DUSP4: variants seen among roughly 807,000 people sequenced by gnomAD.
The protein encoded by DUSP4 is dual specificity phosphatase 4.
A neutral mutation model predicts 27.2 loss-of-function variants in DUSP4; 12 were observed. The observed-to-expected ratio is 0.44, with a 90% CI of 0.28 to 0.71. DUSP4 has a LOEUF of 0.71. Ranked by LOEUF, DUSP4 falls within the 30% of genes least tolerant of loss-of-function variation. The pLI, the probability that DUSP4 is intolerant of heterozygous loss-of-function variation, is 0.14. For missense variants in DUSP4, 448 were observed against 551.3 expected (o/e 0.81, Z 1.88); for synonymous variants, 257 against 245.2 (o/e 1.05, Z -0.45).
chr8:29,345,265 A>C, intron 1 of DUSP4: 1 of 1,366,264 alleles, frequency 7.3e-7, no homozygotes. Flanking sequence ...GGGTTGTTTG[A>C]AGGCCATTTG....
chr8:29,346,478 C>T (rs1410795399), intron 1 of DUSP4, among the ~76,000 whole-genome samples: 8 of 152,016 alleles, frequency 5.3e-5, no homozygotes. Flanking sequence ...TCTCTAATGA[C>T]CAGGGGAGTC....
At chr8:29,340,348 G>T (rs1379367809) in intron 1 of DUSP4, 105 bp from the exon 2 acceptor site, 3 of 1,418,728 alleles carry the variant, frequency 2.1e-6, no homozygotes, top group Non-Finnish European at 2.8e-6. Flanking sequence ...GAAGGCAGGG[G>T]CTGGCGTGCT....
chr8:29,334,763 G>A lies in DUSP4; in HGVS notation c.*2263C>T, dbSNP rs1172929693. On this transcript the variant is annotated 3_prime_UTR_variant, in exon 4 of 4. Transcript: ENST00000240100. ...AAGGAAAAAGTGGAAATGTCCAACT[G>A]TGTTGTCTCTAAATGGTTCCATTGT... The A allele has an allele frequency of 3.3e-5, 5 of 152,232 alleles. No homozygotes were observed. Among genetic ancestry groups the A allele is most frequent in the Admixed American group, 6.5e-5 (1 of 15,284 alleles). The allele number at this position is 152,232 out of a possible 1,614,324, so 9.4% of individuals were successfully genotyped here.
At chr8:29,348,893 G>T in intron 1 of DUSP4, 1 of 613,126 alleles carries the variant, frequency 1.6e-6, no homozygotes, top group Non-Finnish European at 2.1e-6. Flanking sequence ...GCGGCGGGGG[G>T]CGCCCGGACC....
chr8:29,338,647 A>G, intron 2 of DUSP4, 146 bp from the exon 3 acceptor site: 1 of 873,082 alleles, frequency 1.1e-6, no homozygotes, highest in Non-Finnish European at 1.7e-6. Context: ...CTCCCCCTGT[A>G]GCCTCCTGGA....
At chr8:29,348,311 C>G in intron 1 of DUSP4, 8 of 985,612 alleles carry the variant, frequency 8.1e-6, no homozygotes, top group Non-Finnish European at 9.6e-6. Flanking sequence ...CAAGCTCAAA[C>G]AATGGCGCGG....
chr8:29,350,282 C>G lies in DUSP4; in HGVS notation c.-4G>C. ...GCAGCTCCTCCATCGTCACCATGGT[C>G]GCCGGGAACCGAGGCGGCTGGGCGC... On this transcript the variant is annotated 5_prime_UTR_variant, in exon 1 of 4. Coordinates refer to ENST00000240100, the MANE Select transcript of DUSP4 (RefSeq NM_001394.7). The G allele has an allele frequency of 6.4e-7, 1 of 1,562,398 alleles. No homozygotes were observed. The highest frequency in any genetic ancestry group is 2.3e-5 in the East Asian group (1 of 43,960).
chr8:29,341,174 T>C (rs1456372946), intron 1 of DUSP4, among the ~76,000 whole-genome samples: 1 of 152,234 alleles, frequency 6.6e-6, no homozygotes, highest in Non-Finnish European at 1.5e-5. Flanking sequence ...ACAGTGTCTG[T>C]AGGGCCAGAA....
At position 29,337,484 on chromosome 8, in the gene DUSP4, C is replaced by G. The variant is rs1817596675; in HGVS notation, c.800-73G>C. 1.3e-6 allele frequency: 2 copies of G among 1,515,280 alleles called. No homozygotes were observed. Among genetic ancestry groups the G allele is most frequent in the South Asian group, 1.3e-5 (1 of 77,016 alleles). The allele number at this position is 1,515,280 out of a possible 1,614,324, so 93.9% of individuals were successfully genotyped here. ...CCCCGACCAGGGGCACCGGCCAGCC[C>G]CTGGGGTCGGGGGGCTCTGAAGGAA... On this transcript the variant is annotated intron_variant, in intron 3 of 3. Coordinates refer to ENST00000240100, the MANE Select transcript of DUSP4 (RefSeq NM_001394.7). This position sits in a 1 kb window ranked among gnomAD's most constrained non-coding sequence, Gnocchi z 6.4.
intron 1 of DUSP4, chr8:29,345,665 T>C (rs960685616): frequency 6.2e-6 from 9 of 1,446,352 alleles, no homozygotes; most frequent in East Asian, 5.1e-5. Context: ...CTCATTTTTC[T>C]GAGCAGTCCA....
At position 29,334,368 on chromosome 8, in the gene DUSP4, C is replaced by G. The variant is rs984950201; in HGVS notation, c.*2658G>C. The stretch of plus-strand genomic sequence containing the variant: ...ATCCAAAAGGCTTCTGACGAAAGAA[C>G]AATTTTTAAAAAGTCCCTCTTTTCA... On this transcript the variant is annotated 3_prime_UTR_variant, in exon 4 of 4. Transcript: ENST00000240100. 3.9e-5 allele frequency: 6 copies of G among 152,206 alleles called. No individual in the cohort carries two copies. Among genetic ancestry groups the G allele is most frequent in the Admixed American group, 2.6e-4 (4 of 15,286 alleles). 9.4% of individuals were successfully genotyped at this position (152,206 alleles called of 1,614,324 possible).
At chr8:29,346,170 T>C in intron 1 of DUSP4, 1 of 738,086 alleles carries the variant, frequency 1.4e-6, no homozygotes, top group Non-Finnish European at 1.7e-6. Flanking sequence ...TTAGTGACTG[T>C]TTTCTACAGA....
At position 29,337,501 on chromosome 8, in the gene DUSP4, C is replaced by A; in HGVS notation, c.800-90G>T. 6.7e-7 allele frequency: 1 copy of A among 1,495,806 alleles called. No homozygotes were observed. The highest frequency in any genetic ancestry group is 8.9e-7 in the Non-Finnish European group (1 of 1,128,446). 92.7% of individuals were successfully genotyped at this position (1,495,806 alleles called of 1,614,324 possible). ...GGCCAGCCCCTGGGGTCGGGGGGCT[C>A]TGAAGGAAGGACTAGCCGTGCTAGA... On this transcript the variant is annotated intron_variant, in intron 3 of 3. Transcript: ENST00000240100. The surrounding 1 kb of genome is among the most constrained non-coding windows in gnomAD (Gnocchi z 6.4).
chr8:29,349,028 A>G (rs1204166695), intron 1 of DUSP4, among the ~76,000 whole-genome samples: 1 of 152,172 alleles, frequency 6.6e-6, no homozygotes, highest in African/African-American at 2.4e-5. Flanking sequence ...TCCGACTACC[A>G]AATGTGACAA....
rs1022318999 is a variant in DUSP4 at position 29,333,867 on chromosome 8, T to C, written c.*3159A>G. On this transcript the variant is annotated 3_prime_UTR_variant, in exon 4 of 4. Transcript: ENST00000240100. Reference sequence around the variant, plus strand: ...CCCAATCTCCAGCCTCTTCCTGTCATGTTGGAGTCAACTATCCTATGTCCC... The same window carrying C: ...CCCAATCTCCAGCCTCTTCCTGTCACGTTGGAGTCAACTATCCTATGTCCC... The C allele has an allele frequency of 6.6e-6, 1 of 152,378 alleles. No individual in the cohort carries two copies. The highest frequency in any genetic ancestry group is 1.9e-4 in the East Asian group (1 of 5,190). 9.4% of individuals were successfully genotyped at this position (152,378 alleles called of 1,614,324 possible).
intron 1 of DUSP4, among the ~76,000 whole-genome samples, chr8:29,347,634 C>T (rs1817754190): frequency 1.3e-5 from 2 of 152,220 alleles, no homozygotes; most frequent in Admixed American, 6.5e-5. Context: ...CCTCCATCTG[C>T]AAGGATGTCC....
Position 29,336,662 on chromosome 8 carries a change from G to A in DUSP4, c.*364C>T, listed in dbSNP as rs41277859. Reference sequence around the variant, plus strand: ...TTTGCCCTCCCTTCCTCCCCCTTTAGTAAAGCTGGTTGGGCACATTTGCTA... The same window carrying A: ...TTTGCCCTCCCTTCCTCCCCCTTTAATAAAGCTGGTTGGGCACATTTGCTA... On this transcript the variant is annotated 3_prime_UTR_variant, in exon 4 of 4. Transcript: ENST00000240100. 0.041 allele frequency: 7,691 copies of A among 188,010 alleles called. 198 individuals carry two copies. Among genetic ancestry groups the A allele is most frequent in the Non-Finnish European group, 0.044 (4,069 of 91,572 alleles). The allele number at this position is 188,010 out of a possible 1,614,324, so 11.6% of individuals were successfully genotyped here.
Position 29,340,256 on chromosome 8 carries a change from A to G in DUSP4, c.434-13T>C, listed in dbSNP as rs747574752. On this transcript the variant is annotated splice_polypyrimidine_tract_variant and intron_variant, in intron 1 of 3. Transcript: ENST00000240100. ...CTCTCATAGCCGCCTGTAAAGGAGA[A>G]AGAAGCTCAGGTTAATGGGGTCACT... The G allele has an allele frequency of 6.2e-7, 1 of 1,602,336 alleles. No individual in the cohort carries two copies. Among genetic ancestry groups the G allele is most frequent in the South Asian group, 1.1e-5 (1 of 89,742 alleles).
At position 29,349,979 on chromosome 8, in the gene DUSP4, G is replaced by T; in HGVS notation, c.300C>A (p.Gly100=). ...CGTAGACGATGACCGCCGAGTAGAG[G>T]CCGGAGCGCAAGCGGGCGCGTACCT... is the stretch of plus-strand genomic sequence containing the variant. ...EEEVRARLRS[G]LYSAVIVYDE... Residue 100 remains glycine (G), a synonymous_variant, in exon 1 of 4, where the codon GGC becomes GGA. Coordinates refer to ENST00000240100, the MANE Select transcript of DUSP4 (RefSeq NM_001394.7). The T allele has an allele frequency of 6.3e-7, 1 of 1,576,414 alleles. No homozygotes were observed. Among genetic ancestry groups the T allele is most frequent in the Admixed American group, 1.8e-5 (1 of 54,734 alleles).
Sources: allele counts gnomAD v4.1 joint callset (sites outside exome capture counted in the v4.1 genomes callset), GRCh38; gene constraint gnomAD v4.1.1; non-coding constraint Gnocchi (gnomAD v3.1); transcripts MANE v1.5; gene names NCBI Gene and HGNC (gene_info 2026-07-23, HGNC 2026-07-21).